The following SEMA3A variants were observed in gnomAD, a reference collection of about 807,000 sequenced individuals.
The protein encoded by SEMA3A is semaphorin 3A.
SEMA3A carries 29 observed loss-of-function variants against 97.9 expected under a neutral mutation model. The ratio of observed to expected loss-of-function variants is 0.30; its 90% confidence interval spans 0.22 to 0.40. The LOEUF (loss-of-function observed/expected upper bound fraction) is 0.40. Among genes scored for constraint, SEMA3A ranks in the 10% least tolerant of loss-of-function variants. The pLI, the probability that SEMA3A is intolerant of heterozygous loss-of-function variation, is 1.00. For synonymous variants in SEMA3A, 321 were observed against 323.7 expected, an observed-to-expected ratio of 0.99 and a Z score of 0.09; for missense variants, 763 against 951.3, an observed-to-expected ratio of 0.80 and a Z score of 2.60.
chr7:84,339,981 GA>G (rs908738746), intron 2 of SEMA3A, among the ~76,000 whole-genome samples: 1 of 150,920 alleles, frequency 6.6e-6, no homozygotes, highest in African/African-American at 2.4e-5. Flanking sequence ...AGTCACTTTA[GA>G]AAAAAAACAG....
At chr7:84,448,012 C>T (rs965284660) in intron 1 of SEMA3A, among the ~76,000 whole-genome samples, 9 of 152,216 alleles carry the variant, frequency 5.9e-5, no homozygotes, top group African/African-American at 2.2e-4. Context: ...CACCCTGCTG[C>T]AGCAGCTGGT....
intron 1 of SEMA3A, among the ~76,000 whole-genome samples, chr7:84,442,577 T>TA (rs1395165585): frequency 6.6e-6 from 1 of 152,012 alleles, no homozygotes; most frequent in Non-Finnish European, 1.5e-5. Flanking sequence ...GTATGTCATA[T>TA]AAAAAACAAA....
chr7:84,378,917 GT>G (rs147641719), intron 1 of SEMA3A, among the ~76,000 whole-genome samples: 18,311 of 150,598 alleles, frequency 0.12, 2,051 homozygotes, highest in East Asian at 0.35. Context: ...TGTTGTTGTT[GT>G]TGTTGTTGTT....
chr7:84,223,526 T>C (rs1010871251), intron 3 of SEMA3A, among the ~76,000 whole-genome samples: 1 of 151,830 alleles, frequency 6.6e-6, no homozygotes, highest in African/African-American at 2.4e-5. Flanking sequence ...AGATTGCATA[T>C]AATTACATAC....
chr7:83,963,850 G>C (rs1270759468), intron 15 of SEMA3A, among the ~76,000 whole-genome samples: 4 of 152,192 alleles, frequency 2.6e-5, no homozygotes, highest in Middle Eastern at 3.4e-3. Context: ...TATTTATCTA[G>C]CATTTTACAG....
chr7:83,979,712 T>C (rs1443577616), intron 14 of SEMA3A, among the ~76,000 whole-genome samples: 1 of 152,228 alleles, frequency 6.6e-6, no homozygotes, highest in African/African-American at 2.4e-5. Context: ...TCTTATATGA[T>C]ATAATACTGC....
intron 4 of SEMA3A, among the ~76,000 whole-genome samples, chr7:84,073,274 G>A (rs1793810802): frequency 6.6e-6 from 1 of 152,030 alleles, no homozygotes; most frequent in African/African-American, 2.4e-5. Flanking sequence ...GGGTGTGGGT[G>A]TGTGTGTCTG....
chr7:84,155,314 A>G (rs150446759), intron 1 of SEMA3A, among the ~76,000 whole-genome samples: 1 of 152,108 alleles, frequency 6.6e-6, no homozygotes, highest in African/African-American at 2.4e-5. Flanking sequence ...TTGAATTTTC[A>G]TATTTTTAAA....
chr7:84,291,745 C>T (rs1045450956), intron 3 of SEMA3A, among the ~76,000 whole-genome samples: 6 of 152,132 alleles, frequency 3.9e-5, no homozygotes, highest in African/African-American at 1.4e-4. Flanking sequence ...ACATTACTGA[C>T]ATCTGACACT....
At chr7:84,483,949 CAGG>C (rs1465123090) in intron 1 of SEMA3A, among the ~76,000 whole-genome samples, 2 of 151,576 alleles carry the variant, frequency 1.3e-5, no homozygotes, top group South Asian at 2.1e-4. Context: ...GAGGCTGAGG[CAGG>C]AGAACCACTT....
At chr7:84,162,087 G>C (rs367852301) in intron 1 of SEMA3A, among the ~76,000 whole-genome samples, 1 of 152,190 alleles carries the variant, frequency 6.6e-6, no homozygotes, top group East Asian at 1.9e-4. Context: ...TACTGGACAA[G>C]AATATTTAGC....
intron 12 of SEMA3A, among the ~76,000 whole-genome samples, chr7:83,991,448 C>A (rs1010842016): frequency 1.2e-4 from 18 of 150,490 alleles, no homozygotes; most frequent in South Asian, 4.3e-4. Context: ...ATGATATTGG[C>A]TGTGGGTATG....
At chr7:84,149,160 T>G (rs193148971) in intron 1 of SEMA3A, among the ~76,000 whole-genome samples, 1 of 152,336 alleles carries the variant, frequency 6.6e-6, no homozygotes, top group Non-Finnish European at 1.5e-5. Context: ...TCTCCCCAAG[T>G]AATTATTTAG....
At chr7:84,267,392 C>G (rs1800033881) in intron 3 of SEMA3A, among the ~76,000 whole-genome samples, 1 of 152,014 alleles carries the variant, frequency 6.6e-6, no homozygotes, top group African/African-American at 2.4e-5. Flanking sequence ...ACTGTTAAAA[C>G]ATGTTAAAAA....
At chr7:83,998,531 C>T (rs10280701) in intron 12 of SEMA3A, among the ~76,000 whole-genome samples, 23,801 of 152,148 alleles carry the variant, frequency 0.16, 2,191 homozygotes, top group Non-Finnish European at 0.21. Flanking sequence ...TTGCTATACA[C>T]TACTGCAGAC....
chr7:84,437,967 G>T (rs894150245), intron 1 of SEMA3A, among the ~76,000 whole-genome samples: 3 of 151,922 alleles, frequency 2.0e-5, no homozygotes, highest in African/African-American at 7.2e-5. Flanking sequence ...TATTTTTACA[G>T]AACATGAAAC....
chr7:83,964,949 C>G (rs1158423014), intron 15 of SEMA3A, among the ~76,000 whole-genome samples: 9 of 152,032 alleles, frequency 5.9e-5, no homozygotes, highest in African/African-American at 2.2e-4. Flanking sequence ...TCCTGGGATA[C>G]AGGTGAATTT....
chr7:84,160,027 AAATATGATTGATTTT>A (rs1262471868), intron 1 of SEMA3A, among the ~76,000 whole-genome samples: 1 of 152,140 alleles, frequency 6.6e-6, no homozygotes, highest in Non-Finnish European at 1.5e-5. Context: ...TTGATCCTCA[AAATATGATTGATTTT>A]AAGCCTTATG....
intron 1 of SEMA3A, among the ~76,000 whole-genome samples, chr7:84,457,569 G>T (rs995675745): frequency 6.6e-6 from 1 of 151,848 alleles, no homozygotes; most frequent in Non-Finnish European, 1.5e-5. Context: ...CTTTGAAAAT[G>T]GAACTAGAAA....
Sources: gnomAD v4.1 joint callset for allele counts (sites outside exome capture counted in the v4.1 genomes callset) on GRCh38, gnomAD v4.1.1 for gene constraint, MANE v1.5 for transcripts, NCBI Gene and HGNC (gene_info 2026-07-23, HGNC 2026-07-21) for gene names.